The following CROCC2 variants were observed in gnomAD, a reference collection of about 807,000 sequenced individuals.
CROCC2 encodes the protein ciliary rootlet coiled-coil, rootletin family member 2, also known as ciliary rootlet coiled-coil protein 2.
In CROCC2, 163 loss-of-function variants were observed where a neutral mutation model predicts 177.6. The observed-to-expected ratio is 0.92, with a 90% CI of 0.81 to 1.05. The LOEUF is 1.05. Ranked by LOEUF, CROCC2 falls within the 50% of genes least tolerant of loss-of-function variation. The pLI is 0.00. For missense variants in CROCC2, 1,929 were observed against 1,797.8 expected (o/e 1.07, Z -1.32); for synonymous variants, 904 against 787.3 (o/e 1.15, Z -2.48).
chr2:240,925,912 G>A (rs904532331), intron 5 of CROCC2, 32 bp downstream of exon 5: 17 of 685,292 alleles, frequency 2.5e-5, no homozygotes, highest in African/African-American at 1.8e-4. Flanking sequence ...ACCTCATGGC[G>A]GCCGCCTGTC....
intron 4 of CROCC2, among the ~76,000 whole-genome samples, chr2:240,923,266 GC>G (rs149986018): frequency 0.1 from 15,709 of 151,082 alleles, 1,594 homozygotes; most frequent in East Asian, 0.39. Context: ...GAGGGACAGA[GC>G]CCCCCCCGCC....
rs753552971 is a variant in CROCC2 at position 240,953,671 on chromosome 2, G to T, written c.2830-2188G>T. Among the ~76,000 whole-genome samples the T allele has an allele frequency of 2.6e-5, 4 of 152,170 alleles. No individual in the cohort carries two copies. Among genetic ancestry groups the T allele is most frequent in the Non-Finnish European group, 5.9e-5 (4 of 68,036 alleles). Reference sequence around the variant, plus strand: ...TGGAGAAGTGGGGCTGCGGGGTCTAGCAGGACACTTCCCCACACTTCCCTG... The same window carrying T: ...TGGAGAAGTGGGGCTGCGGGGTCTATCAGGACACTTCCCCACACTTCCCTG... On this transcript the variant is annotated intron_variant, in intron 18 of 31. Transcript: ENST00000690015. This position sits in a 1 kb window ranked among gnomAD's most constrained non-coding sequence, Gnocchi z 4.0.
rs959951025 is a variant in CROCC2 at position 240,953,811 on chromosome 2, G to A, written c.2830-2048G>A. 2.0e-5 allele frequency among the ~76,000 whole-genome samples: 3 copies of A among 151,728 alleles called. No individual in the cohort carries two copies. The highest frequency in any genetic ancestry group is 7.3e-5 in the African/African-American group (3 of 41,290). ...AAGACCTGGAGCCGCTGGCCCAGGA[G>A]GGGCTGTCTCCACTGGAACCCTCCA... is the stretch of plus-strand genomic sequence containing the variant. On this transcript the variant is annotated intron_variant, in intron 18 of 31. Transcript: ENST00000690015. The surrounding 1 kb of genome is among the most constrained non-coding windows in gnomAD (Gnocchi z 4.0).
At chr2:240,929,816 G>A in intron 5 of CROCC2, 1 of 488,926 alleles carries the variant, frequency 2.0e-6, no homozygotes, top group South Asian at 1.6e-5. Context: ...GTTCTGGGGT[G>A]TTCCAAGCCT....
At chr2:240,922,865 G>A (rs1301470899) in intron 4 of CROCC2, among the ~76,000 whole-genome samples, 1 of 152,134 alleles carries the variant, frequency 6.6e-6, no homozygotes, top group Non-Finnish European at 1.5e-5. Context: ...TGAGTGGCTG[G>A]GCAGTGTGGG....
chr2:240,952,783 A>G (rs1002592425), intron 18 of CROCC2, among the ~76,000 whole-genome samples: 1 of 152,150 alleles, frequency 6.6e-6, no homozygotes, highest in Non-Finnish European at 1.5e-5. Flanking sequence ...AGCAGGCGTG[A>G]TATGATAGGA....
intron 27 of CROCC2, among the ~76,000 whole-genome samples, chr2:240,970,879 G>A (rs1433397465): frequency 6.6e-6 from 1 of 152,168 alleles, no homozygotes; most frequent in African/African-American, 2.4e-5. Context: ...GGCATGGTGT[G>A]ACTGGCGTCT....
intron 14 of CROCC2, among the ~76,000 whole-genome samples, chr2:240,939,707 G>A (rs763669552): frequency 2.6e-5 from 4 of 151,976 alleles, no homozygotes; most frequent in African/African-American, 7.3e-5. Context: ...TTTTATTTAT[G>A]TTTCTTCATC....
chr2:240,922,990 C>G (rs1209118176), intron 4 of CROCC2, among the ~76,000 whole-genome samples: 1 of 152,088 alleles, frequency 6.6e-6, no homozygotes, highest in African/African-American at 2.4e-5. Context: ...CACCACCGTC[C>G]CAGCCTCTGA....
In CROCC2 at chr2:240,982,714, C is replaced by A; in HGVS notation, c.4402-166C>A. On this transcript the variant is annotated intron_variant, in intron 27 of 31. Transcript: ENST00000690015. The surrounding 1 kb of genome is among the most constrained non-coding windows in gnomAD (Gnocchi z 4.7). ...TGAGGTTACATTGCAAACACAATCACCTGATCAACGCACTTCAGGTTGTCC... is the reference window on the plus strand; with the variant it reads ...TGAGGTTACATTGCAAACACAATCAACTGATCAACGCACTTCAGGTTGTCC... The A allele has an allele frequency of 1.7e-6, 1 of 602,974 alleles. No homozygotes were observed. The highest frequency in any genetic ancestry group is 2.2e-5 in the South Asian group (1 of 45,876). The allele number at this position is 602,974 out of a possible 1,614,324, so 37.4% of individuals were successfully genotyped here.
intron 26 of CROCC2, among the ~76,000 whole-genome samples, 186 bp from the exon 27 acceptor site, chr2:240,967,943 A>G (rs1325164618): frequency 6.6e-6 from 1 of 152,028 alleles, no homozygotes; most frequent in Non-Finnish European, 1.5e-5. Context: ...ATTAAAGGAA[A>G]GAGGCAGGAG....
At chr2:240,963,037 T>C (rs2059653746) in intron 20 of CROCC2, among the ~76,000 whole-genome samples, 1 of 152,218 alleles carries the variant, frequency 6.6e-6, no homozygotes, top group Admixed American at 6.5e-5. Context: ...GAGCCCCCAC[T>C]GTGGCAGAGT....
intron 18 of CROCC2, among the ~76,000 whole-genome samples, chr2:240,952,786 T>G (rs2059565178): frequency 6.6e-6 from 1 of 152,052 alleles, no homozygotes; most frequent in Non-Finnish European, 1.5e-5. Flanking sequence ...AGGCGTGATA[T>G]GATAGGAGTT....
intron 27 of CROCC2, among the ~76,000 whole-genome samples, chr2:240,976,677 T>C (rs1303870173): frequency 6.0e-5 from 7 of 116,478 alleles, no homozygotes; most frequent in African/African-American, 2.4e-4. Flanking sequence ...GAGCCCAGGC[T>C]CATCCCTGCT....
intron 22 of CROCC2, 66 bp from the exon 23 acceptor site, chr2:240,965,315 C>A: frequency 6.5e-7 from 1 of 1,535,460 alleles, no homozygotes; most frequent in Non-Finnish European, 8.8e-7. Context: ...AGGCAGGAGG[C>A]AGGGAGGCTG....
intron 1 of CROCC2, among the ~76,000 whole-genome samples, chr2:240,907,391 T>G (rs1258259433): frequency 6.6e-6 from 1 of 152,090 alleles, no homozygotes; most frequent in Non-Finnish European, 1.5e-5. Context: ...CACCTGCTGC[T>G]GACCACCACA....
chr2:240,964,593 G>A lies in CROCC2; in HGVS notation c.3433G>A (p.Ala1145Thr), dbSNP rs752006701. 98 of 1,549,346 alleles carry A rather than the reference G, an allele frequency of 6.3e-5. No homozygotes were observed. The highest frequency in any genetic ancestry group is 1.9e-4 in the African/African-American group (14 of 73,006). ...LWELEQAGGD[A>T]RQELRELHRQ... The stretch of plus-strand genomic sequence containing the variant: ...GGAGCTGGAGCAGGCAGGGGGGGAC[G>A]CCCGTCAGGAGCTCCGGGAACTCCA... The change falls in exon 22 of 32, where the codon GCC becomes ACC. Residue 1145 changes from alanine to threonine, a missense_variant. Ala to Thr is a moderately conservative substitution (Grantham distance 58). Around this residue, in one of 3 missense-constraint regions of CROCC2, gnomAD observed 1,397 missense variants for 1,239.9 expected, o/e 1.13. Transcript: ENST00000690015.
chr2:240,933,180 A>C lies in CROCC2; in HGVS notation c.1301A>C (p.Gln434Pro). 6.5e-7 allele frequency: 1 copy of C among 1,550,026 alleles called. No individual in the cohort carries two copies. Among genetic ancestry groups the C allele is most frequent in the South Asian group, 1.2e-5 (1 of 84,046 alleles). ...KSSQALVASLQEQLSESRREL... is the reference protein window; with the variant it reads ...KSSQALVASLPEQLSESRREL... ...TCCCAGGCACTGGTGGCCAGTCTCC[A>C]GGAGCAGCTGTCCGAAAGCCGGCGG... The change falls in exon 10 of 32, where the codon CAG becomes CCG. Residue 434 changes from glutamine to proline, a missense_variant. Physicochemically the swap from Gln to Pro is moderately conservative, Grantham distance 76. Transcript: ENST00000690015.
chr2:240,981,310 G>C (rs534820018), intron 27 of CROCC2, among the ~76,000 whole-genome samples: 3 of 152,182 alleles, frequency 2.0e-5, no homozygotes, highest in Non-Finnish European at 4.4e-5. Context: ...CGGAGCCCAG[G>C]CTCATCCCTG....
Sources: allele counts gnomAD v4.1 joint callset (sites outside exome capture counted in the v4.1 genomes callset), GRCh38; gene constraint gnomAD v4.1.1; regional missense constraint gnomAD v4.1.1; non-coding constraint Gnocchi (gnomAD v3.1); transcripts MANE v1.5; gene names NCBI Gene and HGNC (gene_info 2026-07-23, HGNC 2026-07-21).